Variants in ZNF366 observed in about 807,000 individuals in gnomAD.
ZNF366 encodes dendritic cell-specific transcript protein.
ZNF366 carries 20 observed loss-of-function variants against 47.2 expected under a neutral mutation model. The ratio of observed to expected loss-of-function variants is 0.42; its 90% confidence interval spans 0.30 to 0.62. The LOEUF (loss-of-function observed/expected upper bound fraction) is 0.62, where lower values mean the gene tolerates loss of function less well. Ranked by LOEUF, ZNF366 falls within the 20% of genes least tolerant of loss-of-function variation. The probability of loss-of-function intolerance (pLI) is 0.16; values close to 1 mark genes in which losing one functional copy is unlikely to be tolerated. For synonymous variants in ZNF366, 421 were observed against 395.1 expected (o/e 1.07, Z -0.78); for missense variants, 987 against 976.3 (o/e 1.01, Z -0.15).
chr5:72,491,239 T>C (rs535701701), intron 1 of ZNF366, among the ~76,000 whole-genome samples: 3 of 152,330 alleles, frequency 2.0e-5, no homozygotes, highest in Middle Eastern at 6.8e-3. Context: ...CAAAGACACA[T>C]CATTGCAGAA....
intron 1 of ZNF366, among the ~76,000 whole-genome samples, chr5:72,497,795 C>G (rs186030956): frequency 3.3e-5 from 5 of 152,014 alleles, no homozygotes; most frequent in African/African-American, 7.2e-5. Context: ...TCATCTTTGC[C>G]GATCAAGTAA....
intron 1 of ZNF366, among the ~76,000 whole-genome samples, chr5:72,492,219 G>T (rs1260037665): frequency 2.6e-5 from 4 of 152,206 alleles, no homozygotes; most frequent in Admixed American, 6.5e-5. Context: ...GAATATAGGT[G>T]ACAGGGAAGC....
At chr5:72,506,061 T>G in intron 1 of ZNF366, among the ~76,000 whole-genome samples, 1 of 152,258 alleles carries the variant, frequency 6.6e-6, no homozygotes, top group East Asian at 1.9e-4. Context: ...GAATAAAGAT[T>G]AATTACTTGA....
chr5:72,459,507 C>A (rs890429730), intron 2 of ZNF366, among the ~76,000 whole-genome samples: 2 of 152,150 alleles, frequency 1.3e-5, no homozygotes, highest in African/African-American at 4.8e-5. Context: ...CCCTTGAAGA[C>A]CTGAGCACAG....
chr5:72,456,728 T>C (rs1743193725), intron 2 of ZNF366, 133 bp from the exon 3 acceptor site: 1 of 861,820 alleles, frequency 1.2e-6, no homozygotes, highest in African/African-American at 1.7e-5. Flanking sequence ...TTTCAAATGG[T>C]GTAGCTTCAG....
chr5:72,447,618 T>C (rs978709455), intron 3 of ZNF366, among the ~76,000 whole-genome samples: 2 of 152,218 alleles, frequency 1.3e-5, no homozygotes, highest in Non-Finnish European at 2.9e-5. Flanking sequence ...TGTTCCTGGA[T>C]TTCAGAGATC....
intron 4 of ZNF366, 76 bp from the exon 5 acceptor site, chr5:72,444,367 C>T (rs1742920080): frequency 6.7e-6 from 10 of 1,502,370 alleles, no homozygotes; most frequent in African/African-American, 1.4e-5. Flanking sequence ...GGGAGCAGCC[C>T]GGGGCCGTTT....
Position 72,490,609 on chromosome 5 carries a change from C to G in ZNF366, c.-15+16642G>C, listed in dbSNP as rs980908239. On this transcript the variant is annotated intron_variant, in intron 1 of 4. Coordinates refer to ENST00000318442, the MANE Select transcript of ZNF366 (RefSeq NM_152625.3). ...GCATGGAGGGACAATGGCAAGAAGA[C>G]AGTGGTGGCCCTGGCCTTCTCAATG... Among the ~76,000 whole-genome samples the G allele has an allele frequency of 5.9e-5, 9 of 152,166 alleles. No individual in the cohort carries two copies. The East Asian group carries it at 1.3e-3, about 23-fold the overall frequency.
At chr5:72,456,266 T>C in intron 3 of ZNF366, 138 bp downstream of exon 3, 1 of 824,302 alleles carries the variant, frequency 1.2e-6, no homozygotes, top group Non-Finnish European at 1.9e-6. Context: ...GAGTGGCAGA[T>C]GGGACCTGGG....
chr5:72,448,680 C>T (rs1010597251), intron 3 of ZNF366, among the ~76,000 whole-genome samples: 1 of 152,060 alleles, frequency 6.6e-6, no homozygotes, highest in African/African-American at 2.4e-5. Flanking sequence ...CACCAGTTTT[C>T]CTTTCTCACT....
chr5:72,444,712 G>T (rs1386255247), intron 4 of ZNF366, among the ~76,000 whole-genome samples: 1 of 151,942 alleles, frequency 6.6e-6, no homozygotes, highest in Non-Finnish European at 1.5e-5. Flanking sequence ...TATGCATAGG[G>T]GATGTAGAGA....
intron 1 of ZNF366, among the ~76,000 whole-genome samples, chr5:72,476,832 A>G (rs1743682607): frequency 1.3e-5 from 2 of 152,090 alleles, no homozygotes; most frequent in Non-Finnish European, 1.5e-5. Flanking sequence ...GGCTACCACC[A>G]TAGGGATGGC....
At chr5:72,491,163 GT>G (rs1377109449) in intron 1 of ZNF366, among the ~76,000 whole-genome samples, 1 of 152,226 alleles carries the variant, frequency 6.6e-6, no homozygotes, top group Non-Finnish European at 1.5e-5. Context: ...TAGTATGCAA[GT>G]TGGCCTAGTA....
chr5:72,475,765 G>A (rs926158235), intron 1 of ZNF366, among the ~76,000 whole-genome samples: 2 of 152,132 alleles, frequency 1.3e-5, no homozygotes, highest in African/African-American at 4.8e-5. Flanking sequence ...ATCACTGAGG[G>A]TAAGACATGC....
Position 72,442,453 on chromosome 5 carries a change from C to A in ZNF366, c.*1303G>T, listed in dbSNP as rs1742873561. ...GGTGGTTTTTTTTTAAAGGTCACCC[C>A]AGATGCTTCTAATGTACAGCCAGCA... On this transcript the variant is annotated 3_prime_UTR_variant, in exon 5 of 5. Transcript: ENST00000318442. 6.6e-6 allele frequency: 1 copy of A among 152,044 alleles called. No individual in the cohort carries two copies. The highest frequency in any genetic ancestry group is 1.5e-5 in the Non-Finnish European group (1 of 68,024). 9.4% of individuals were successfully genotyped at this position (152,044 alleles called of 1,614,324 possible).
At chr5:72,479,802 T>C (rs1384264638) in intron 1 of ZNF366, among the ~76,000 whole-genome samples, 1 of 152,192 alleles carries the variant, frequency 6.6e-6, no homozygotes, top group African/African-American at 2.4e-5. Flanking sequence ...GTAATCTCTA[T>C]ATAAACACAC....
At position 72,460,804 on chromosome 5, in the gene ZNF366, C is replaced by T. The variant is rs747719686; in HGVS notation, c.693G>A (p.Arg231=). The T allele has an allele frequency of 4.3e-6, 7 of 1,614,080 alleles. No individual in the cohort carries two copies. In the Admixed American group the frequency reaches 1.0e-4, roughly 23 times the overall value. ...ESEETKQKVE[R]VDVNVQIDDS... ...CATCGATCTGCACGTTCACGTCCAC[C>T]CTCTCCACCTTCTGCTTGGTCTCCT... The change falls in exon 2 of 5, where the codon AGG becomes AGA. Residue 231 remains arginine (R), a synonymous_variant. Transcript: ENST00000318442.
At chr5:72,505,736 C>T (rs1261270363) in intron 1 of ZNF366, among the ~76,000 whole-genome samples, 2 of 152,218 alleles carry the variant, frequency 1.3e-5, no homozygotes, top group Non-Finnish European at 2.9e-5. Context: ...GCCACAGTTG[C>T]TGATAAATGA....
intron 1 of ZNF366, among the ~76,000 whole-genome samples, chr5:72,477,730 AG>A (rs1743703181): frequency 6.6e-6 from 1 of 152,218 alleles, no homozygotes; most frequent in Non-Finnish European, 1.5e-5. Flanking sequence ...CCTGGAAGTA[AG>A]GGATCAGACC....
Sources: allele counts gnomAD v4.1 joint callset (sites outside exome capture counted in the v4.1 genomes callset), GRCh38; gene constraint gnomAD v4.1.1; transcripts MANE v1.5; gene names NCBI Gene and HGNC (gene_info 2026-07-23, HGNC 2026-07-21).